The following ADAMTS3 variants were observed in gnomAD, a reference collection of about 807,000 sequenced individuals.
ADAMTS3 encodes ADAM metallopeptidase with thrombospondin type 1 motif 3.
ADAMTS3 carries 73 observed loss-of-function variants against 129.0 expected under a neutral mutation model. The observed-to-expected ratio is 0.57, with a 90% CI of 0.47 to 0.69. ADAMTS3 has a LOEUF of 0.69. ADAMTS3 is among the 30% of genes least tolerant of loss of function. ADAMTS3 has a pLI of 0.00. For synonymous variants in ADAMTS3, 477 were observed against 510.8 expected (o/e 0.93, Z 0.89); for missense variants, 1,457 against 1,514.5 (o/e 0.96, Z 0.63).
chr4:72,458,838 G>C (rs993684490), intron 3 of ADAMTS3, among the ~76,000 whole-genome samples: 1 of 151,424 alleles, frequency 6.6e-6, no homozygotes, highest in African/African-American at 2.4e-5. Context: ...TTTTCAGTAA[G>C]AACAAGGCTG....
chr4:72,392,204 T>C (rs1721612089), intron 4 of ADAMTS3, among the ~76,000 whole-genome samples: 2 of 152,264 alleles, frequency 1.3e-5, no homozygotes, highest in South Asian at 4.1e-4. Context: ...CCCCTCCCAC[T>C]GTACCATCCT....
At chr4:72,509,807 TA>T (rs35858183) in intron 3 of ADAMTS3, among the ~76,000 whole-genome samples, 96,221 of 147,916 alleles carry the variant, frequency 0.65, 31,321 homozygotes, top group African/African-American at 0.77. Flanking sequence ...AAAGACACAT[TA>T]AAAAAAAAAA....
chr4:72,500,652 C>T lies in ADAMTS3; in HGVS notation c.504+47826G>A, dbSNP rs1301546472. Among the ~76,000 whole-genome samples, 2 of 152,002 alleles carry T rather than the reference C, an allele frequency of 1.3e-5. 1 individual carries two copies. The highest frequency in any genetic ancestry group is 2.9e-5 in the Non-Finnish European group (2 of 67,964). ...TCCTTGTCAGTTTTTGTTTTTGTTGCAATTGCTTTTGAAGACACAGTCACA... is the reference window on the plus strand; with the variant it reads ...TCCTTGTCAGTTTTTGTTTTTGTTGTAATTGCTTTTGAAGACACAGTCACA... On this transcript the variant is annotated intron_variant, in intron 3 of 21. Transcript: ENST00000286657.
rs919128311 is a variant in ADAMTS3, at chr4:72,390,830, A to C, written c.661+23985T>G. On this transcript the variant is annotated intron_variant, in intron 4 of 21. Transcript: ENST00000286657. ...AAAATAAAACATAAACCGTTCCTGAAAACTTCCATGCCTTTCTAACTTCCC... is the reference window on the plus strand; with the variant it reads ...AAAATAAAACATAAACCGTTCCTGACAACTTCCATGCCTTTCTAACTTCCC... Among the ~76,000 whole-genome samples, 3 of 151,988 alleles carry C rather than the reference A, an allele frequency of 2.0e-5. No individual in the cohort carries two copies. In the South Asian group the frequency reaches 6.2e-4, roughly 32 times the overall value.
At chr4:72,404,505 C>A (rs1009620267) in intron 4 of ADAMTS3, among the ~76,000 whole-genome samples, 1 of 151,940 alleles carries the variant, frequency 6.6e-6, no homozygotes, top group Non-Finnish European at 1.5e-5. Context: ...CAAAAATCAA[C>A]CCCAGATGGA....
At position 72,283,316 on chromosome 4, in the gene ADAMTS3, G is replaced by C. The variant is rs574561712; in HGVS notation, c.3438C>G (p.Thr1146=). Residue 1146 remains threonine (T), a synonymous_variant, in exon 22 of 22, where the codon ACC becomes ACG. Transcript: ENST00000286657. ...TCTTGGTGGGTGGGGAGGATGGTAC[G>C]GTGACCAGTCTCACAGTCTTACTTC... ...QAGSKTVRLV[T]VPSSPPTKRV... is the part of the protein sequence containing the mutation. 6.2e-7 allele frequency: 1 copy of C among 1,613,916 alleles called. No individual in the cohort carries two copies. The highest frequency in any genetic ancestry group is 8.5e-7 in the Non-Finnish European group (1 of 1,179,944).
intron 4 of ADAMTS3, among the ~76,000 whole-genome samples, chr4:72,373,868 C>G (rs1214704677): frequency 6.6e-6 from 1 of 150,504 alleles, no homozygotes; most frequent in Non-Finnish European, 1.5e-5. Context: ...CCACTGCACT[C>G]TAGACTCTGT....
intron 3 of ADAMTS3, among the ~76,000 whole-genome samples, chr4:72,511,500 G>A (rs536277754): frequency 8.5e-5 from 13 of 152,220 alleles, no homozygotes; most frequent in Admixed American, 6.5e-4. Flanking sequence ...AATGGCAAAC[G>A]GACATACGAA....
intron 3 of ADAMTS3, among the ~76,000 whole-genome samples, chr4:72,474,552 G>A (rs370842423): frequency 6.6e-6 from 1 of 151,742 alleles, no homozygotes; most frequent in African/African-American, 2.4e-5. Context: ...CAGAGCCTCA[G>A]AAACCTGGAA....
intron 4 of ADAMTS3, among the ~76,000 whole-genome samples, chr4:72,410,843 A>G (rs1451744561): frequency 6.6e-6 from 1 of 152,138 alleles, no homozygotes; most frequent in African/African-American, 2.4e-5. Context: ...CTGAAAAAGA[A>G]GCAAATTAAA....
At chr4:72,505,857 C>A (rs544973253) in intron 3 of ADAMTS3, among the ~76,000 whole-genome samples, 33 of 152,206 alleles carry the variant, frequency 2.2e-4, no homozygotes, top group Non-Finnish European at 4.1e-4. Flanking sequence ...AAGTGTGAAG[C>A]AGCTCAGGCT....
intron 2 of ADAMTS3, among the ~76,000 whole-genome samples, chr4:72,557,668 G>A (rs1029983763): frequency 2.0e-5 from 3 of 151,460 alleles, no homozygotes; most frequent in African/African-American, 7.3e-5. Context: ...TGTTGCAATT[G>A]CACAATATTT....
intron 11 of ADAMTS3, among the ~76,000 whole-genome samples, chr4:72,314,411 C>T (rs1719334425): frequency 6.6e-6 from 1 of 152,006 alleles, no homozygotes; most frequent in African/African-American, 2.4e-5. Flanking sequence ...TAGTTGAAGG[C>T]CATCTGACCA....
chr4:72,452,919 A>C (rs1367560171), intron 3 of ADAMTS3, among the ~76,000 whole-genome samples: 1 of 151,806 alleles, frequency 6.6e-6, no homozygotes, highest in Non-Finnish European at 1.5e-5. Flanking sequence ...CTCAAAGAAC[A>C]CTAAACAAGA....
At chr4:72,360,219 A>G (rs1242875221) in intron 4 of ADAMTS3, among the ~76,000 whole-genome samples, 1 of 152,102 alleles carries the variant, frequency 6.6e-6, no homozygotes, top group Non-Finnish European at 1.5e-5. Context: ...TTTACACCAT[A>G]GGAGGTTTTT....
At chr4:72,539,065 T>TA (rs1328709355) in intron 3 of ADAMTS3, among the ~76,000 whole-genome samples, 1 of 152,010 alleles carries the variant, frequency 6.6e-6, no homozygotes, top group Non-Finnish European at 1.5e-5. Flanking sequence ...AAACTCTTGT[T>TA]AAAAAATATA....
At chr4:72,331,277 T>C (rs1719844099) in intron 5 of ADAMTS3, among the ~76,000 whole-genome samples, 1 of 152,150 alleles carries the variant, frequency 6.6e-6, no homozygotes, top group African/African-American at 2.4e-5. Context: ...CTTGATGCAA[T>C]CTGTCTCTGT....
At chr4:72,350,263 A>G (rs1302923107) in intron 4 of ADAMTS3, among the ~76,000 whole-genome samples, 1 of 152,078 alleles carries the variant, frequency 6.6e-6, no homozygotes, top group African/African-American at 2.4e-5. Flanking sequence ...TGCCTGTAAT[A>G]TATTCTCTGA....
chr4:72,452,985 G>A (rs1718446354), intron 3 of ADAMTS3, among the ~76,000 whole-genome samples: 1 of 151,688 alleles, frequency 6.6e-6, no homozygotes, highest in African/African-American at 2.4e-5. Context: ...ACTGCCCCTG[G>A]ATCCACGCTA....
Sources: allele counts gnomAD v4.1 joint callset (sites outside exome capture counted in the v4.1 genomes callset), GRCh38; gene constraint gnomAD v4.1.1; transcripts MANE v1.5; gene names NCBI Gene and HGNC (gene_info 2026-07-23, HGNC 2026-07-21).